The following PRRC2B variants were observed in gnomAD, a reference collection of about 807,000 sequenced individuals.
PRRC2B encodes the protein protein PRRC2B.
Under a neutral mutation model 242.3 loss-of-function variants are expected in PRRC2B, and 68 were observed. The observed-to-expected ratio is 0.28, with a 90% CI of 0.23 to 0.34. PRRC2B has a LOEUF of 0.34. Ranked by LOEUF, PRRC2B falls within the 10% of genes least tolerant of loss-of-function variation. PRRC2B has a pLI of 1.00. For synonymous variants in PRRC2B, 1,228 were observed against 1,173.6 expected (o/e 1.05, Z -0.95); for missense variants, 2,835 against 2,954.8 (o/e 0.96, Z 0.94).
rs559182242 is a variant in PRRC2B at position 131,498,509 on chromosome 9, A to T, written c.*2635A>T. The T allele has an allele frequency of 1.3e-5, 2 of 152,378 alleles. No individual in the cohort carries two copies. The highest frequency in any genetic ancestry group is 1.3e-4 in the Admixed American group (2 of 15,306). The allele number at this position is 152,378 out of a possible 1,614,324, so 9.4% of individuals were successfully genotyped here. A position where few individuals can be genotyped will look rare whatever the true frequency, so the allele number is the denominator to read the frequency against. Reference sequence around the variant, plus strand: ...CTTGGTCTAATGAAATGCAGTTCTTAGTGCAGAGATGTTTTAAGGTGCAAT... The same window carrying T: ...CTTGGTCTAATGAAATGCAGTTCTTTGTGCAGAGATGTTTTAAGGTGCAAT... On this transcript the variant is annotated 3_prime_UTR_variant, in exon 32 of 32. Transcript: ENST00000683519.
Position 131,447,166 on chromosome 9 carries a change from C to G in PRRC2B, c.937C>G (p.Arg313Gly). The G allele has an allele frequency of 6.2e-7, 1 of 1,614,004 alleles. No homozygotes were observed. The highest frequency in any genetic ancestry group is 1.7e-5 in the Admixed American group (1 of 60,018). Residue 313 changes from arginine (R) to glycine (G), a missense_variant, in exon 8 of 32, where the codon CGA becomes GGA. Physicochemically the swap from Arg to Gly is moderately radical, Grantham distance 125. Transcript: ENST00000683519. ...CCTTCCTCAGCTCCGCCTTGAACCT[C>G]GAGTTCCTTTTAGACAGTTCCAGAT... is the stretch of plus-strand genomic sequence containing the variant. ...FPLPQLRLEPRVPFRQFQMND... is the reference protein window; with the variant it reads ...FPLPQLRLEPGVPFRQFQMND...
chr9:131,471,065 A>G, intron 14 of PRRC2B, 82 bp downstream of exon 14: 3 of 987,866 alleles, frequency 3.0e-6, no homozygotes, highest in Non-Finnish European at 3.0e-6. Flanking sequence ...AGTTAAACAG[A>G]TACACCTGGA....
At chr9:131,421,962 G>A (rs187947306) in intron 1 of PRRC2B, among the ~76,000 whole-genome samples, 24 of 152,018 alleles carry the variant, frequency 1.6e-4, no homozygotes, top group African/African-American at 5.1e-4. Flanking sequence ...GCCTGGTGGC[G>A]TCCAGTGCAG....
intron 1 of PRRC2B, among the ~76,000 whole-genome samples, chr9:131,379,447 A>G (rs531772959): frequency 2.3e-4 from 35 of 152,182 alleles, no homozygotes; most frequent in Admixed American, 1.0e-3. Flanking sequence ...ATCTTTGTCA[A>G]CACTTGTTAT....
chr9:131,438,155 A>G (rs766033693), intron 4 of PRRC2B, among the ~76,000 whole-genome samples: 1 of 152,224 alleles, frequency 6.6e-6, no homozygotes, highest in Non-Finnish European at 1.5e-5. Context: ...TTCACAAAGC[A>G]GCAGCTTTGT....
At chr9:131,403,791 T>C (rs568624196) in intron 1 of PRRC2B, among the ~76,000 whole-genome samples, 4 of 152,138 alleles carry the variant, frequency 2.6e-5, no homozygotes, top group African/African-American at 7.2e-5. Flanking sequence ...TCAGTGCACG[T>C]ATAAATATGG....
At chr9:131,462,748 G>T (rs550036519) in intron 11 of PRRC2B, among the ~76,000 whole-genome samples, 1 of 146,622 alleles carries the variant, frequency 6.8e-6, no homozygotes, top group Non-Finnish European at 1.5e-5. Context: ...TGAGGCAGGA[G>T]AATTGCTTGA....
intron 9 of PRRC2B, among the ~76,000 whole-genome samples, chr9:131,453,345 C>G (rs561420364): frequency 1.4e-4 from 21 of 152,310 alleles, no homozygotes; most frequent in African/African-American, 5.1e-4. Flanking sequence ...CAGTTCCTAA[C>G]TCTGCTTTTT....
intron 23 of PRRC2B, 32 bp downstream of exon 23, chr9:131,483,477 C>T: frequency 6.3e-7 from 1 of 1,591,930 alleles, no homozygotes; most frequent in African/African-American, 1.3e-5. Flanking sequence ...TGGCTCCACT[C>T]ACTGCTTGGG....
intron 1 of PRRC2B, among the ~76,000 whole-genome samples, chr9:131,422,058 T>A (rs1564279123): frequency 6.6e-6 from 1 of 152,110 alleles, no homozygotes; most frequent in African/African-American, 2.4e-5. Context: ...TTTTTTTATT[T>A]TTTTATTTTA....
At chr9:131,408,122 T>C (rs921706599) in intron 1 of PRRC2B, among the ~76,000 whole-genome samples, 6 of 152,144 alleles carry the variant, frequency 3.9e-5, no homozygotes, top group African/African-American at 1.4e-4. Flanking sequence ...ATGGGGTTGT[T>C]GTAAGTAGGC....
At chr9:131,458,486 C>T (rs890805022) in intron 10 of PRRC2B, among the ~76,000 whole-genome samples, 1 of 140,692 alleles carries the variant, frequency 7.1e-6, no homozygotes, top group Non-Finnish European at 1.5e-5. Flanking sequence ...CGAAAAAATA[C>T]CTCATAATGT....
chr9:131,488,150 T>C, intron 28 of PRRC2B, 54 bp downstream of exon 28: 1 of 1,546,974 alleles, frequency 6.5e-7, no homozygotes, highest in Non-Finnish European at 8.7e-7. Flanking sequence ...CTTCACGACC[T>C]TGCCTTTTCT....
chr9:131,475,445 A>G lies in PRRC2B; in HGVS notation c.3316A>G (p.Ser1106Gly). ...CAGCATCTACTGCAGCAGTCAGCGC[A>G]GCGGCCGTGGCCGGGGCCTGCGAGA... ...ARSIYCSSQR[S>G]GRGRGLREFA... Residue 1106 changes from serine (S) to glycine (G), a missense_variant, in exon 16 of 32, where the codon AGC becomes GGC. Ser to Gly is a moderately conservative substitution (Grantham distance 56, BLOSUM62 0). Transcript: ENST00000683519. 1 of 1,582,094 alleles carries G rather than the reference A, an allele frequency of 6.3e-7. No homozygotes were observed. Among genetic ancestry groups the G allele is most frequent in the Non-Finnish European group, 8.6e-7 (1 of 1,163,852 alleles).
At position 131,473,652 on chromosome 9, in the gene PRRC2B, C is replaced by G; in HGVS notation, c.2252C>G (p.Ala751Gly). 8 of 1,613,886 alleles carry G rather than the reference C, an allele frequency of 5.0e-6. No individual in the cohort carries two copies. The highest frequency in any genetic ancestry group is 6.8e-6 in the Non-Finnish European group (8 of 1,179,876). The change falls in exon 15 of 32, where the codon GCA becomes GGA. Residue 751 changes from alanine to glycine, a missense_variant. Physicochemically the swap from Ala to Gly is moderately conservative, Grantham distance 60. Transcript: ENST00000683519. ...GTGTGGAGCCCAGAGGGCTACATGG[C>G]ACTGCAGAGCAAGGGCTACCCGCTC... ...PPVWSPEGYM[A>G]LQSKGYPLPH...
chr9:131,484,834 A>T (rs774299149), intron 24 of PRRC2B, 44 bp downstream of exon 24: 1 of 1,571,194 alleles, frequency 6.4e-7, no homozygotes, highest in South Asian at 1.2e-5. Flanking sequence ...CCAGTACCTT[A>T]GCTTACAAAG....
intron 1 of PRRC2B, among the ~76,000 whole-genome samples, chr9:131,418,656 G>C (rs146867608): frequency 6.6e-6 from 1 of 152,332 alleles, no homozygotes; most frequent in Non-Finnish European, 1.5e-5. Flanking sequence ...GTAAACAATG[G>C]CACTGCCGGG....
intron 1 of PRRC2B, among the ~76,000 whole-genome samples, chr9:131,420,501 T>TTCTTTC (rs1588242598): frequency 1.6e-4 from 3 of 19,044 alleles, no homozygotes; most frequent in Non-Finnish European, 1.2e-4. Context: ...TTCTTTTTTT[T>TTCTTTC]TTTTTTTTTG....
chr9:131,439,899 GA>G (rs749039428), intron 5 of PRRC2B, among the ~76,000 whole-genome samples: 10,824 of 35,604 alleles, frequency 0.3, 495 homozygotes, highest in South Asian at 0.46. Flanking sequence ...ACATCTGGCT[GA>G]TTTTTTTTTT....
Sources: allele counts gnomAD v4.1 joint callset (sites outside exome capture counted in the v4.1 genomes callset), GRCh38; gene constraint gnomAD v4.1.1; transcripts MANE v1.5; gene names NCBI Gene and HGNC (gene_info 2026-07-23, HGNC 2026-07-21).